DPP6: variants seen among roughly 807,000 people sequenced by gnomAD.
DPP6 encodes the protein dipeptidyl peptidase like 6, also known as A-type potassium channel modulatory protein DPP6.
A neutral mutation model predicts 122.6 loss-of-function variants in DPP6; 69 were observed. The ratio of observed to expected loss-of-function variants is 0.56; its 90% CI spans 0.46 to 0.69. The LOEUF (loss-of-function observed/expected upper bound fraction) is 0.69, where lower values mean the gene tolerates loss of function less well. DPP6 is among the 30% of genes least tolerant of loss of function. DPP6 has a pLI of 0.00. For synonymous variants in DPP6, 418 were observed against 433.1 expected, an observed-to-expected ratio of 0.97 and a Z score of 0.43; for missense variants, 928 against 1,116.9, an observed-to-expected ratio of 0.83 and a Z score of 2.41.
intron 3 of DPP6, among the ~76,000 whole-genome samples, chr7:154,511,156 G>A (rs1443579518): frequency 6.6e-6 from 1 of 152,220 alleles, no homozygotes; most frequent in Non-Finnish European, 1.5e-5. Flanking sequence ...AGAACACCGA[G>A]CTGCTCAGGG....
chr7:154,312,316 T>G (rs555331443), intron 1 of DPP6, among the ~76,000 whole-genome samples: 1 of 152,340 alleles, frequency 6.6e-6, no homozygotes, highest in South Asian at 2.1e-4. Context: ...GAGTCAGTGC[T>G]GTGGGTCCCC....
chr7:154,274,417 T>A (rs1585801692), intron 1 of DPP6, among the ~76,000 whole-genome samples: 1 of 152,048 alleles, frequency 6.6e-6, no homozygotes, highest in East Asian at 1.9e-4. Context: ...CACACTGGAG[T>A]TGATCTACAT....
At chr7:154,846,630 C>T (rs1438906742) in intron 16 of DPP6, among the ~76,000 whole-genome samples, 6 of 152,158 alleles carry the variant, frequency 3.9e-5, no homozygotes, top group Non-Finnish European at 7.3e-5. Flanking sequence ...TGCAGTCTTA[C>T]CCGTGTGCAA....
At chr7:154,749,568 A>AG (rs1156994326) in intron 8 of DPP6, among the ~76,000 whole-genome samples, 1 of 130,374 alleles carries the variant, frequency 7.7e-6, no homozygotes, top group Admixed American at 7.9e-5. Context: ...TTACTGAGAG[A>AG]TGGTCAGGGA....
At chr7:154,613,915 C>T (rs183099025) in intron 5 of DPP6, among the ~76,000 whole-genome samples, 7 of 152,332 alleles carry the variant, frequency 4.6e-5, no homozygotes, top group Middle Eastern at 3.4e-3. Context: ...CATGGCCAGC[C>T]ACGCCCTGCG....
chr7:154,114,511 A>T (rs1426389961), intron 1 of DPP6, among the ~76,000 whole-genome samples: 2 of 152,152 alleles, frequency 1.3e-5, no homozygotes, highest in African/African-American at 4.8e-5. Context: ...AGAACCAAAG[A>T]ACAGAAGTTA....
chr7:154,594,502 CCTT>C (rs1206176780), intron 5 of DPP6, among the ~76,000 whole-genome samples: 1 of 152,106 alleles, frequency 6.6e-6, no homozygotes, highest in African/African-American at 2.4e-5. Flanking sequence ...CAATAATTGT[CCTT>C]CTCACCCCAG....
chr7:154,613,496 G>A (rs12719637), intron 5 of DPP6, among the ~76,000 whole-genome samples: 60,828 of 151,120 alleles, frequency 0.4, 13,157 homozygotes, highest in East Asian at 0.64. Flanking sequence ...GTGCATGCCT[G>A]TAATCCCAGC....
intron 1 of DPP6, among the ~76,000 whole-genome samples, chr7:153,979,710 A>G (rs974098254): frequency 6.6e-6 from 1 of 152,168 alleles, no homozygotes; most frequent in Non-Finnish European, 1.5e-5. Flanking sequence ...TTATTTTGAG[A>G]TACGTCCCAT....
chr7:154,532,291 G>A (rs1410645386), intron 3 of DPP6, among the ~76,000 whole-genome samples: 1 of 152,002 alleles, frequency 6.6e-6, no homozygotes, highest in Non-Finnish European at 1.5e-5. Flanking sequence ...AATTTGAACT[G>A]AATAATAATG....
chr7:153,909,886 G>A (rs892006975), intron 1 of DPP6, among the ~76,000 whole-genome samples: 9 of 152,086 alleles, frequency 5.9e-5, no homozygotes, highest in Admixed American at 5.9e-4. Context: ...AGAGGATATT[G>A]GAGCTGACAC....
chr7:153,983,044 C>T (rs1476258173), intron 1 of DPP6, among the ~76,000 whole-genome samples: 1 of 152,238 alleles, frequency 6.6e-6, no homozygotes, highest in African/African-American at 2.4e-5. Context: ...CTTGATGAGG[C>T]AGTCTGTCCC....
intron 1 of DPP6, among the ~76,000 whole-genome samples, chr7:154,444,254 A>G (rs55895974): frequency 0.21 from 31,878 of 151,544 alleles, 4,398 homozygotes; most frequent in African/African-American, 0.4. Context: ...TCAGGAGATT[A>G]AGACCATTCT....
chr7:154,353,541 C>A (rs1448371146), intron 1 of DPP6, among the ~76,000 whole-genome samples: 1 of 152,130 alleles, frequency 6.6e-6, no homozygotes, highest in Non-Finnish European at 1.5e-5. Context: ...TAAATCTTTC[C>A]ATGTGTGTCT....
chr7:154,415,993 T>C (rs1816980891), intron 1 of DPP6, among the ~76,000 whole-genome samples: 6 of 152,012 alleles, frequency 3.9e-5, no homozygotes, highest in Admixed American at 3.3e-4. Context: ...TCCCCACTTA[T>C]CCTCAGTTTC....
At chr7:154,406,346 T>C (rs1192562187) in intron 1 of DPP6, among the ~76,000 whole-genome samples, 1 of 152,188 alleles carries the variant, frequency 6.6e-6, no homozygotes, top group Admixed American at 6.6e-5. Flanking sequence ...AATTATTTCA[T>C]AATAATTTTA....
At chr7:153,878,648 CTT>C in the DPP6 span, among the ~76,000 whole-genome samples, 1 of 152,028 alleles carries the variant, frequency 6.6e-6, no homozygotes, top group African/African-American at 2.4e-5. Context: ...ACCAAGAAAT[CTT>C]TTGAGACACC....
In DPP6 at chr7:154,282,875, A is replaced by T. The variant is rs1045991829; in HGVS notation, c.244-163339A>T. The stretch of plus-strand genomic sequence containing the variant: ...AGAGATTGCCACTCTTTGGAGCCAC[A>T]TCTGAATGCCAGAAGTTCCCTTGAC... On this transcript the variant is annotated intron_variant, in intron 1 of 25. Transcript: ENST00000377770. The surrounding 1 kb of genome is among the most constrained non-coding windows in gnomAD (Gnocchi z 4.8). Among the ~76,000 whole-genome samples, 9 of 152,210 alleles carry T rather than the reference A, an allele frequency of 5.9e-5. No individual in the cohort carries two copies. The highest frequency in any genetic ancestry group is 2.6e-4 in the Admixed American group (4 of 15,284).
At chr7:154,012,160 A>G (rs1798182779) in intron 1 of DPP6, among the ~76,000 whole-genome samples, 1 of 152,214 alleles carries the variant, frequency 6.6e-6, no homozygotes, top group Non-Finnish European at 1.5e-5. Flanking sequence ...TAGTCCACAT[A>G]TTCAATTTCT....
Sources: gnomAD v4.1 joint callset for allele counts (sites outside exome capture counted in the v4.1 genomes callset) on GRCh38, gnomAD v4.1.1 for gene constraint, Gnocchi (gnomAD v3.1) non-coding constraint, MANE v1.5 for transcripts, NCBI Gene and HGNC (gene_info 2026-07-23, HGNC 2026-07-21) for gene names.